Variants in ARHGEF16 observed in about 807,000 individuals in gnomAD.
The protein encoded by ARHGEF16 is Rho guanine exchange factor (GEF) 16.
A neutral mutation model predicts 74.1 loss-of-function variants in ARHGEF16; 59 were observed. That is an observed-to-expected ratio of 0.80 (90% CI 0.65 to 0.99). The LOEUF (loss-of-function observed/expected upper bound fraction) is 0.99. Among genes scored for constraint, ARHGEF16 ranks in the 50% least tolerant of loss-of-function variants. The probability of loss-of-function intolerance (pLI) is 0.00; values close to 1 mark genes in which losing one functional copy is unlikely to be tolerated. For missense variants in ARHGEF16, 948 were observed against 986.6 expected (o/e 0.96, Z 0.52); for synonymous variants, 415 against 412.6 (o/e 1.01, Z -0.07).
chr1:3,463,044 C>T, intron 1 of ARHGEF16, 22 bp from the exon 2 acceptor site: 1 of 1,429,998 alleles, frequency 7.0e-7, no homozygotes, highest in Non-Finnish European at 9.2e-7. Flanking sequence ...CTCACGAGAC[C>T]TCACTTCTGC....
chr1:3,457,109 G>A (rs371546804), intron 1 of ARHGEF16, among the ~76,000 whole-genome samples: 11 of 152,386 alleles, frequency 7.2e-5, no homozygotes, highest in African/African-American at 2.2e-4. Context: ...AGTGAAGGCC[G>A]CAGAGCCAAA....
chr1:3,474,371 C>T (rs1639824324), intron 8 of ARHGEF16: 2 of 321,482 alleles, frequency 6.2e-6, no homozygotes, highest in Non-Finnish European at 1.2e-5. Flanking sequence ...AACAGAACCT[C>T]AAACTCCTGG....
intron 3 of ARHGEF16, chr1:3,466,937 G>T: frequency 2.1e-6 from 1 of 485,750 alleles, no homozygotes. Flanking sequence ...GGGGGCTGCT[G>T]TGAGGGTTTG....
At chr1:3,470,348 G>A (rs550122685) in intron 6 of ARHGEF16, among the ~76,000 whole-genome samples, 6 of 151,978 alleles carry the variant, frequency 3.9e-5, no homozygotes, top group Admixed American at 3.9e-4. Flanking sequence ...ACAGGGTTGT[G>A]TGTGCGTGGG....
At chr1:3,470,901 G>A (rs1639698689) in intron 6 of ARHGEF16, among the ~76,000 whole-genome samples, 1 of 133,446 alleles carries the variant, frequency 7.5e-6, no homozygotes, top group Non-Finnish European at 1.6e-5. Context: ...TGTGTGCCTG[G>A]CCAGGGGTAT....
Position 3,463,261 on chromosome 1 carries a change from G to A in ARHGEF16, c.177G>A (p.Gln59=). 2 of 1,549,586 alleles carry A rather than the reference G, an allele frequency of 1.3e-6. No homozygotes were observed. Among genetic ancestry groups the A allele is most frequent in the South Asian group, 1.2e-5 (1 of 84,002 alleles). ...AFQPQVPAPP[Q]PRPPGHEEPW... is the part of the protein sequence containing the mutation. ...AGCCCCAGGTCCCGGCACCCCCACA[G>A]CCTCGGCCCCCGGGGCACGAGGAGC... The change falls in exon 2 of 15, where the codon CAG becomes CAA. Residue 59 remains glutamine (Q), a synonymous_variant. Coordinates refer to ENST00000378378, the MANE Select transcript of ARHGEF16 (RefSeq NM_014448.4).
intron 6 of ARHGEF16, among the ~76,000 whole-genome samples, chr1:3,470,878 A>C (rs62639716): frequency 4.8e-3 from 197 of 41,426 alleles, no homozygotes; most frequent in African/African-American, 0.018. Flanking sequence ...GCAGGGGTGT[A>C]TGTGCGTGGG....
chr1:3,479,454 C>G, intron 12 of ARHGEF16, 63 bp from the exon 13 acceptor site: 1 of 1,578,154 alleles, frequency 6.3e-7, no homozygotes, highest in Non-Finnish European at 8.7e-7. Context: ...TGTCAGAAGT[C>G]AAGGAACATC....
intron 2 of ARHGEF16, among the ~76,000 whole-genome samples, chr1:3,464,545 C>T (rs975032483): frequency 7.2e-5 from 11 of 152,264 alleles, no homozygotes; most frequent in African/African-American, 1.2e-4. Flanking sequence ...CCTGGCAGCC[C>T]GAGCACCCTC....
chr1:3,479,386 A>T, intron 12 of ARHGEF16, 131 bp from the exon 13 acceptor site: 1 of 999,170 alleles, frequency 1.0e-6, no homozygotes, highest in Non-Finnish European at 1.5e-6. Flanking sequence ...CAGTCTGCCC[A>T]GCCACTCCTG....
At chr1:3,479,028 C>T (rs1055956645) in intron 12 of ARHGEF16, among the ~76,000 whole-genome samples, 4 of 152,200 alleles carry the variant, frequency 2.6e-5, no homozygotes, top group South Asian at 2.1e-4. Context: ...TGGGGTGCAG[C>T]GACCCTGGCC....
intron 11 of ARHGEF16, 63 bp downstream of exon 11, chr1:3,478,089 G>A: frequency 6.2e-7 from 1 of 1,607,092 alleles, no homozygotes; most frequent in Non-Finnish European, 8.5e-7. Flanking sequence ...GCTGGCCCTG[G>A]GGCAGGAGGG....
At chr1:3,479,139 G>A (rs1349989428) in intron 12 of ARHGEF16, among the ~76,000 whole-genome samples, 2 of 152,218 alleles carry the variant, frequency 1.3e-5, no homozygotes, top group Admixed American at 6.5e-5. Context: ...AGGCACACAG[G>A]TGCGCCAGTC....
chr1:3,467,205 G>A lies in ARHGEF16; in HGVS notation c.672G>A (p.Leu224=), dbSNP rs1177024210. The A allele has an allele frequency of 1.3e-6, 2 of 1,550,650 alleles. No homozygotes were observed. The highest frequency in any genetic ancestry group is 3.9e-5 in the Admixed American group (2 of 50,990). ...QLYQEIQERG[L]NTSQESDDDI... is the part of the protein sequence containing the mutation. Reference sequence around the variant, plus strand: ...ACCAGGAGATCCAGGAGCGGGGCCTGAACACCAGCCAGGAGTCTGATGACG... The same window carrying A: ...ACCAGGAGATCCAGGAGCGGGGCCTAAACACCAGCCAGGAGTCTGATGACG... The change falls in exon 4 of 15, where the codon CTG becomes CTA. Residue 224 remains leucine, a synonymous_variant. Transcript: ENST00000378378.
At chr1:3,462,939 T>G in intron 1 of ARHGEF16, 127 bp from the exon 2 acceptor site, 1 of 599,210 alleles carries the variant, frequency 1.7e-6, no homozygotes, top group Non-Finnish European at 2.7e-6. Flanking sequence ...GTCGCTGTCC[T>G]TGCCTGCTGT....
chr1:3,468,806 G>A lies in ARHGEF16; in HGVS notation c.805-74G>A, dbSNP rs1179365196. On this transcript the variant is annotated intron_variant, in intron 4 of 14. Transcript: ENST00000378378. ...CATGTTGGCCCTGGTCCATCAGGAG[G>A]AGGAAAGAAGGGAGACTTTGGCCCA... is the stretch of plus-strand genomic sequence containing the variant. The A allele has an allele frequency of 2.0e-6, 3 of 1,517,620 alleles. No homozygotes were observed. In the African/African-American group the frequency reaches 4.1e-5, roughly 21 times the overall value. The allele number at this position is 1,517,620 out of a possible 1,614,324, so 94.0% of individuals were successfully genotyped here.
At chr1:3,474,138 G>C in intron 8 of ARHGEF16, 2 of 189,180 alleles carry the variant, frequency 1.1e-5, no homozygotes, top group Non-Finnish European at 1.1e-5. Flanking sequence ...TTGCACCGAT[G>C]CATGCACATG....
chr1:3,457,543 G>T (rs1639293157), intron 1 of ARHGEF16, among the ~76,000 whole-genome samples: 1 of 152,238 alleles, frequency 6.6e-6, no homozygotes, highest in Non-Finnish European at 1.5e-5. Flanking sequence ...GCGCCCACTA[G>T]ACTCACTAGA....
intron 8 of ARHGEF16, 178 bp downstream of exon 8, chr1:3,473,700 G>A (rs574271369): frequency 1.4e-5 from 15 of 1,043,470 alleles, no homozygotes; most frequent in Admixed American, 7.5e-5. Flanking sequence ...TGTGGTCGCC[G>A]CCACCCACAG....
Sources: gnomAD v4.1 joint callset for allele counts (sites outside exome capture counted in the v4.1 genomes callset) on GRCh38, gnomAD v4.1.1 for gene constraint, MANE v1.5 for transcripts, NCBI Gene and HGNC (gene_info 2026-07-23, HGNC 2026-07-21) for gene names.